KIF2A: variants seen among roughly 807,000 people sequenced by gnomAD.
KIF2A encodes the protein kinesin-like protein KIF2A.
KIF2A carries 22 observed loss-of-function variants against 100.2 expected under a neutral mutation model. That is an observed-to-expected ratio of 0.22 (90% CI 0.16 to 0.31). KIF2A has a LOEUF of 0.31. Among genes scored for constraint, KIF2A ranks in the 10% least tolerant of loss-of-function variants. KIF2A has a pLI of 1.00. For synonymous variants in KIF2A, 268 were observed against 285.9 expected (o/e 0.94, Z 0.63); for missense variants, 495 against 898.7 (o/e 0.55, Z 5.74).
At chr5:62,364,436 GCGCCCGGCCCA>G (rs1740970145) in intron 14 of KIF2A, among the ~76,000 whole-genome samples, 1 of 152,110 alleles carries the variant, frequency 6.6e-6, no homozygotes, top group Non-Finnish European at 1.5e-5. Flanking sequence ...GTGAGCCACC[GCGCCCGGCCCA>G]GAGGGTCTTA....
intron 1 of KIF2A, among the ~76,000 whole-genome samples, chr5:62,324,344 G>T (rs953592157): frequency 2.6e-5 from 4 of 152,138 alleles, no homozygotes; most frequent in Admixed American, 1.3e-4. Context: ...ATTCTTCACA[G>T]AATTAGGAAA....
chr5:62,343,875 G>A (rs897674632), intron 1 of KIF2A, among the ~76,000 whole-genome samples: 5 of 152,120 alleles, frequency 3.3e-5, no homozygotes, highest in Admixed American at 6.5e-5. Context: ...TTGTGTTACC[G>A]TTTATACATT....
chr5:62,327,667 C>T (rs1275920813), intron 1 of KIF2A, among the ~76,000 whole-genome samples: 1 of 152,166 alleles, frequency 6.6e-6, no homozygotes, highest in South Asian at 2.1e-4. Context: ...ACCTTTTGTT[C>T]TGGCAGCACT....
At chr5:62,328,764 T>C (rs1000814661) in intron 1 of KIF2A, among the ~76,000 whole-genome samples, 1 of 152,202 alleles carries the variant, frequency 6.6e-6, no homozygotes, top group Non-Finnish European at 1.5e-5. Context: ...GGTGCTGTGA[T>C]TACAGGCGTG....
At chr5:62,357,904 G>T (rs747423850) in intron 8 of KIF2A, among the ~76,000 whole-genome samples, 159 bp downstream of exon 8, 1 of 152,160 alleles carries the variant, frequency 6.6e-6, no homozygotes, top group Non-Finnish European at 1.5e-5. Flanking sequence ...TTGTCAGTTT[G>T]TTATTGCTCT....
intron 1 of KIF2A, among the ~76,000 whole-genome samples, chr5:62,339,560 T>A (rs528908346): frequency 1.2e-4 from 14 of 119,528 alleles, no homozygotes; most frequent in African/African-American, 3.8e-4. Flanking sequence ...TTAGAGAAAT[T>A]ATTGCACATT....
intron 18 of KIF2A, among the ~76,000 whole-genome samples, chr5:62,376,227 A>C (rs144541469): frequency 3.9e-5 from 6 of 152,284 alleles, no homozygotes; most frequent in Non-Finnish European, 7.4e-5. Context: ...TCCATGTTTG[A>C]GAGAGTGTGC....
chr5:62,317,618 G>A lies in KIF2A; in HGVS notation c.64+11082G>A, dbSNP rs77121740. ...CATTTTTGTGCCCTATTAATGTTCC[G>A]GGCATTGGAAGTCACATAATTAATT... On this transcript the variant is annotated intron_variant, in intron 1 of 20. Coordinates refer to ENST00000407818, the MANE Select transcript of KIF2A (RefSeq NM_001098511.3). 6.7e-3 allele frequency among the ~76,000 whole-genome samples: 1,016 copies of A among 152,144 alleles called. 19 individuals are homozygous for A. Among genetic ancestry groups the A allele is most frequent in the African/African-American group, 0.023 (972 of 41,490 alleles).
intron 1 of KIF2A, among the ~76,000 whole-genome samples, chr5:62,342,244 G>A (rs1036262886): frequency 5.3e-5 from 8 of 152,184 alleles, no homozygotes; most frequent in African/African-American, 1.9e-4. Context: ...GATGGTGATT[G>A]ATGCGGGGCT....
chr5:62,346,010 A>G (rs1323510153), intron 1 of KIF2A, among the ~76,000 whole-genome samples: 5 of 152,164 alleles, frequency 3.3e-5, no homozygotes, highest in Admixed American at 1.3e-4. Context: ...CAACAAGTAC[A>G]TAATGACAAA....
intron 1 of KIF2A, among the ~76,000 whole-genome samples, chr5:62,322,694 G>A (rs1746158263): frequency 6.6e-6 from 1 of 152,048 alleles, no homozygotes; most frequent in Non-Finnish European, 1.5e-5. Flanking sequence ...TGAAGGGTGG[G>A]AAACGGTTGC....
At chr5:62,314,161 T>C (rs1235247634) in intron 1 of KIF2A, among the ~76,000 whole-genome samples, 1 of 151,958 alleles carries the variant, frequency 6.6e-6, no homozygotes. Flanking sequence ...ATATCCTGGG[T>C]TTGGGTACTT....
chr5:62,311,455 T>C lies in KIF2A; in HGVS notation c.64+4919T>C, dbSNP rs376545362. Among the ~76,000 whole-genome samples the C allele has an allele frequency of 4.6e-3, 694 of 152,234 alleles. 3 individuals are homozygous for C. Among genetic ancestry groups the C allele is most frequent in the African/African-American group, 0.014 (575 of 41,532 alleles). Reference sequence around the variant, plus strand: ...CTTAGTTAAGTATTGGTGTAAAGAGTTCCTTTTAACATCTGAAATCAAGAG... The same window carrying C: ...CTTAGTTAAGTATTGGTGTAAAGAGCTCCTTTTAACATCTGAAATCAAGAG... On this transcript the variant is annotated intron_variant, in intron 1 of 20. Coordinates refer to ENST00000407818, the MANE Select transcript of KIF2A (RefSeq NM_001098511.3).
chr5:62,379,123 A>T (rs948930027), intron 19 of KIF2A, among the ~76,000 whole-genome samples: 1 of 152,112 alleles, frequency 6.6e-6, no homozygotes, highest in Admixed American at 6.5e-5. Flanking sequence ...TTAAAAACAA[A>T]AAGAAAAGTG....
chr5:62,366,321 G>C (rs1294077749), intron 15 of KIF2A, 93 bp from the exon 16 acceptor site: 2 of 730,040 alleles, frequency 2.7e-6, no homozygotes, highest in African/African-American at 3.6e-5. Flanking sequence ...AAATAACCAT[G>C]GTAAGATTAG....
At chr5:62,371,442 A>C (rs1741324477) in intron 16 of KIF2A, among the ~76,000 whole-genome samples, 1 of 152,200 alleles carries the variant, frequency 6.6e-6, no homozygotes, top group Non-Finnish European at 1.5e-5. Context: ...TTTTTGACCT[A>C]AAAAGAAGGG....
chr5:62,389,035 T>C lies in KIF2A; in HGVS notation c.*3466T>C. Reference sequence around the variant, plus strand: ...CTAGGAAAAATGAATACCTTCTGCGTTGAATCCATGTAGCAATCTGAAAAA... The same window carrying C: ...CTAGGAAAAATGAATACCTTCTGCGCTGAATCCATGTAGCAATCTGAAAAA... On this transcript the variant is annotated 3_prime_UTR_variant, in exon 21 of 21. Coordinates refer to ENST00000407818, the MANE Select transcript of KIF2A (RefSeq NM_001098511.3). The C allele has an allele frequency of 5.6e-6, 9 of 1,609,700 alleles. No individual in the cohort carries two copies. Among genetic ancestry groups the C allele is most frequent in the Non-Finnish European group, 7.6e-6 (9 of 1,178,660 alleles).
chr5:62,357,065 C>G (rs916139552), intron 7 of KIF2A, among the ~76,000 whole-genome samples: 1 of 146,176 alleles, frequency 6.8e-6, no homozygotes, highest in Non-Finnish European at 1.5e-5. Context: ...GGATTACCCA[C>G]CATGCCTGGC....
Position 62,388,554 on chromosome 5 carries a change from T to C in KIF2A, c.*2985T>C, listed in dbSNP as rs1163026454. On this transcript the variant is annotated 3_prime_UTR_variant, in exon 21 of 21. Coordinates refer to ENST00000407818, the MANE Select transcript of KIF2A (RefSeq NM_001098511.3). ...TAAGAAACAATTGTTTTACTGTACA[T>C]GTGAATAACAAGAAATGGTACGGGG... 2 of 157,520 alleles carry C rather than the reference T, an allele frequency of 1.3e-5. No homozygotes were observed. The highest frequency in any genetic ancestry group is 1.9e-4 in the South Asian group (1 of 5,274). 9.8% of individuals were successfully genotyped at this position (157,520 alleles called of 1,614,324 possible). A position where few individuals can be genotyped will look rare whatever the true frequency, so the allele number is the denominator to read the frequency against.
Sources: allele counts gnomAD v4.1 joint callset (sites outside exome capture counted in the v4.1 genomes callset), GRCh38; gene constraint gnomAD v4.1.1; transcripts MANE v1.5; gene names NCBI Gene and HGNC (gene_info 2026-07-23, HGNC 2026-07-21).